The following SLC44A5 variants were observed in gnomAD, a reference collection of about 807,000 sequenced individuals.
The protein encoded by SLC44A5 is solute carrier family 44 member 5, also known as choline transporter-like protein 5.
In SLC44A5, 57 loss-of-function variants were observed where a neutral mutation model predicts 101.8. That is an observed-to-expected ratio of 0.56 (90% CI 0.45 to 0.70). SLC44A5 has a LOEUF of 0.70. SLC44A5 is among the 30% of genes least tolerant of loss of function. The pLI, the probability that SLC44A5 is intolerant of heterozygous loss-of-function variation, is 0.00. For synonymous variants in SLC44A5, 281 were observed against 290.9 expected, an observed-to-expected ratio of 0.97 and a Z score of 0.35; for missense variants, 737 against 853.1, an observed-to-expected ratio of 0.86 and a Z score of 1.70.
the SLC44A5 span, among the ~76,000 whole-genome samples, chr1:75,679,429 C>T: frequency 6.6e-6 from 1 of 152,168 alleles, no homozygotes; most frequent in Non-Finnish European, 1.5e-5. Flanking sequence ...AGAACCCCTA[C>T]AAGCCAGAAG....
chr1:75,318,946 C>G (rs576427771), intron 4 of SLC44A5, among the ~76,000 whole-genome samples: 19 of 152,240 alleles, frequency 1.2e-4, no homozygotes, highest in Non-Finnish European at 1.8e-4. Flanking sequence ...CCCAACCCCC[C>G]CTGCCAACGC....
upstream of SLC44A5, among the ~76,000 whole-genome samples, chr1:75,614,807 A>G (rs575955418): frequency 3.3e-5 from 5 of 152,214 alleles, no homozygotes; most frequent in South Asian, 6.2e-4. Flanking sequence ...CCTCAGGTCC[A>G]GTTCCCCCGC....
intron 18 of SLC44A5, among the ~76,000 whole-genome samples, chr1:75,217,031 A>G (rs895988406): frequency 2.0e-5 from 3 of 152,078 alleles, no homozygotes; most frequent in Non-Finnish European, 4.4e-5. Flanking sequence ...ACCAAATCCA[A>G]TGTCATGAAG....
intron 3 of SLC44A5, among the ~76,000 whole-genome samples, chr1:75,396,270 T>C (rs1662116839): frequency 6.6e-6 from 1 of 152,078 alleles, no homozygotes; most frequent in East Asian, 1.9e-4. Flanking sequence ...ACAAGACTCA[T>C]GTGTCAAAGT....
chr1:75,413,370 C>A (rs1423392519), intron 2 of SLC44A5, among the ~76,000 whole-genome samples: 1 of 152,080 alleles, frequency 6.6e-6, no homozygotes, highest in East Asian at 1.9e-4. Context: ...CTTCTTCTTC[C>A]TCTCTTACAA....
intron 1 of SLC44A5, among the ~76,000 whole-genome samples, chr1:75,568,082 T>C (rs903184770): frequency 1.3e-5 from 2 of 152,216 alleles, no homozygotes; most frequent in African/African-American, 4.8e-5. Flanking sequence ...AGGAAAGCAG[T>C]AGATTTTGTT....
intron 4 of SLC44A5, among the ~76,000 whole-genome samples, chr1:75,328,482 T>C (rs1178856911): frequency 6.6e-6 from 1 of 152,128 alleles, no homozygotes; most frequent in Non-Finnish European, 1.5e-5. Context: ...AAGATACTGT[T>C]ATCTAAGAAT....
intron 4 of SLC44A5, among the ~76,000 whole-genome samples, chr1:75,336,417 G>A (rs1570709354): frequency 6.6e-6 from 1 of 152,264 alleles, no homozygotes; most frequent in South Asian, 2.1e-4. Context: ...GCCTCCCAAA[G>A]TTCTGGGATT....
intron 1 of SLC44A5, among the ~76,000 whole-genome samples, chr1:75,572,433 G>A (rs1001376364): frequency 2.0e-5 from 3 of 152,184 alleles, no homozygotes; most frequent in Non-Finnish European, 4.4e-5. Context: ...GAGTGGCAGA[G>A]AAGTCCTATA....
chr1:75,609,499 A>G (rs1675527205), intron 1 of SLC44A5, among the ~76,000 whole-genome samples: 1 of 152,032 alleles, frequency 6.6e-6, no homozygotes, highest in Admixed American at 6.6e-5. Flanking sequence ...AGTTTGGAGG[A>G]CTGTGAAATC....
intron 4 of SLC44A5, among the ~76,000 whole-genome samples, chr1:75,330,106 TACACACACACACACACAC>T (rs59962302): frequency 7.8e-6 from 1 of 128,580 alleles, no homozygotes; most frequent in African/African-American, 2.7e-5. Flanking sequence ...TATATATATA[TACACACACACACACACAC>T]ACACACACAC....
At chr1:75,679,043 G>A in the SLC44A5 span, among the ~76,000 whole-genome samples, 24 of 152,204 alleles carry the variant, frequency 1.6e-4, no homozygotes, top group East Asian at 1.2e-3. Context: ...GAAATGAAGC[G>A]AGAAGGGAAG....
chr1:75,686,283 A>G, the SLC44A5 span, among the ~76,000 whole-genome samples: 1 of 152,232 alleles, frequency 6.6e-6, no homozygotes, highest in East Asian at 1.9e-4. Flanking sequence ...GAAACATCAC[A>G]AAGAATAATA....
chr1:75,389,689 T>A (rs1448672948), intron 3 of SLC44A5, among the ~76,000 whole-genome samples: 1 of 152,170 alleles, frequency 6.6e-6, no homozygotes, highest in African/African-American at 2.4e-5. Context: ...TTTATAGCAC[T>A]ACATACCTAT....
intron 6 of SLC44A5, among the ~76,000 whole-genome samples, chr1:75,266,616 T>G (rs1351556278): frequency 1.3e-5 from 2 of 152,228 alleles, no homozygotes; most frequent in African/African-American, 4.8e-5. Context: ...CAGACTCACT[T>G]AGCAGTGTTG....
chr1:75,331,917 C>T (rs1657088769), intron 4 of SLC44A5, among the ~76,000 whole-genome samples: 1 of 152,110 alleles, frequency 6.6e-6, no homozygotes, highest in South Asian at 2.1e-4. Context: ...CCTTCATCAC[C>T]AAATCTAAAT....
chr1:75,648,754 T>G, the SLC44A5 span, among the ~76,000 whole-genome samples: 1 of 151,992 alleles, frequency 6.6e-6, no homozygotes, highest in Non-Finnish European at 1.5e-5. Flanking sequence ...CAGGGAATCC[T>G]GAACTTTGAT....
chr1:75,486,876 C>G (rs1468352086), intron 2 of SLC44A5, among the ~76,000 whole-genome samples: 1 of 152,154 alleles, frequency 6.6e-6, no homozygotes, highest in Non-Finnish European at 1.5e-5. Context: ...CATAGAGAGG[C>G]CTTAATTACT....
At chr1:75,690,713 C>A in the SLC44A5 span, among the ~76,000 whole-genome samples, 3 of 152,194 alleles carry the variant, frequency 2.0e-5, no homozygotes, top group Non-Finnish European at 2.9e-5. Flanking sequence ...AATCACACAT[C>A]CACCAAGGCC....
Sources: gnomAD v4.1 joint callset for allele counts (sites outside exome capture counted in the v4.1 genomes callset) on GRCh38, gnomAD v4.1.1 for gene constraint, MANE v1.5 for transcripts, NCBI Gene and HGNC (gene_info 2026-07-23, HGNC 2026-07-21) for gene names.